IQSEC1: variants seen among roughly 807,000 people sequenced by gnomAD.
IQSEC1 encodes IQ motif and Sec7 domain ArfGEF 1, also known as IQ motif and SEC7 domain-containing protein 1.
IQSEC1 carries 31 observed loss-of-function variants against 91.0 expected under a neutral mutation model. The observed-to-expected ratio is 0.34, with a 90% CI of 0.26 to 0.46. The LOEUF is 0.46. Among genes scored for constraint, IQSEC1 ranks in the 20% least tolerant of loss-of-function variants. The pLI is 1.00. For missense variants in IQSEC1, 1,388 were observed against 1,575.6 expected (o/e 0.88, Z 2.02); for synonymous variants, 699 against 662.6 (o/e 1.05, Z -0.84).
intron 1 of IQSEC1, among the ~76,000 whole-genome samples, chr3:12,944,207 T>C (rs531619874): frequency 6.6e-6 from 1 of 152,296 alleles, no homozygotes; most frequent in East Asian, 1.9e-4. Flanking sequence ...GCCCCTCCCC[T>C]ACAGCCCCCA....
chr3:13,129,762 A>T (rs1384835860), intron 2 of IQSEC1, among the ~76,000 whole-genome samples: 1 of 144,258 alleles, frequency 6.9e-6, no homozygotes, highest in Non-Finnish European at 1.5e-5. Flanking sequence ...GATTCATGCC[A>T]TTCTCCTGCC....
chr3:13,253,799 G>A (rs974381860), intron 1 of IQSEC1, among the ~76,000 whole-genome samples: 1 of 152,160 alleles, frequency 6.6e-6, no homozygotes, highest in Non-Finnish European at 1.5e-5. Flanking sequence ...TTTATCTGAC[G>A]AAGAGGTAAC....
intron 2 of IQSEC1, among the ~76,000 whole-genome samples, chr3:13,139,355 G>C (rs1706762551): frequency 6.6e-6 from 1 of 152,194 alleles, no homozygotes; most frequent in Non-Finnish European, 1.5e-5. Flanking sequence ...ATAAGAGACA[G>C]AAAAAGACTC....
At chr3:12,913,316 C>A in intron 9 of IQSEC1, 112 bp downstream of exon 9, 1 of 1,194,212 alleles carries the variant, frequency 8.4e-7, no homozygotes, top group South Asian at 1.4e-5. Context: ...GGCAAACCCT[C>A]CCTTTTGCAC....
At chr3:13,117,877 G>A (rs368362292) in intron 2 of IQSEC1, among the ~76,000 whole-genome samples, 2 of 152,184 alleles carry the variant, frequency 1.3e-5, no homozygotes, top group Admixed American at 6.5e-5. Flanking sequence ...AGAGTGAGAC[G>A]CTGTCTCAAA....
intron 10 of IQSEC1, 73 bp downstream of exon 10, chr3:12,911,556 C>T (rs1695558752): frequency 8.3e-7 from 1 of 1,210,162 alleles, no homozygotes; most frequent in Non-Finnish European, 1.2e-6. Context: ...CGGTTCTGTC[C>T]TCGAAGCAGC....
chr3:13,232,679 C>G (rs73134193), intron 1 of IQSEC1, among the ~76,000 whole-genome samples: 3,866 of 152,146 alleles, frequency 0.025, 156 homozygotes, highest in African/African-American at 0.087. Context: ...GCTACACAGA[C>G]TTGGAGAATA....
intron 1 of IQSEC1, among the ~76,000 whole-genome samples, chr3:13,173,590 A>C (rs1049982846): frequency 1.3e-5 from 2 of 152,218 alleles, no homozygotes; most frequent in African/African-American, 4.8e-5. Flanking sequence ...TCTGTGGACA[A>C]TCCCAGAGGG....
At position 12,915,032 on chromosome 3, in the gene IQSEC1, G is replaced by A. The variant is rs1388067190; in HGVS notation, c.2190+72C>T. ...TGGGCTCTGGGAGCCTGGGGAGCCG[G>A]CGGACTGGCTGATGCTGGGCCTCCC... is the stretch of plus-strand genomic sequence containing the variant. On this transcript the variant is annotated intron_variant, in intron 8 of 13. Transcript: ENST00000613206. The A allele has an allele frequency of 2.7e-6, 4 of 1,495,858 alleles. No homozygotes were observed. In the African/African-American group the frequency reaches 4.2e-5, roughly 16 times the overall value. The allele number at this position is 1,495,858 out of a possible 1,614,324, so 92.7% of individuals were successfully genotyped here.
At chr3:13,114,963 C>T (rs992371720) in intron 2 of IQSEC1, among the ~76,000 whole-genome samples, 17 of 152,154 alleles carry the variant, frequency 1.1e-4, no homozygotes, top group African/African-American at 3.1e-4. Flanking sequence ...GAGCAGCCTG[C>T]GTGGGTGAGT....
intron 3 of IQSEC1, among the ~76,000 whole-genome samples, chr3:12,931,674 A>G (rs977003743): frequency 6.6e-6 from 1 of 152,146 alleles, no homozygotes; most frequent in East Asian, 1.9e-4. Context: ...GGGGCGCTGG[A>G]AGGGTGAAAC....
intron 1 of IQSEC1, among the ~76,000 whole-genome samples, chr3:13,271,149 G>A (rs60670655): frequency 0.049 from 7,493 of 152,194 alleles, 609 homozygotes; most frequent in African/African-American, 0.17. Flanking sequence ...AGGCTGAGGT[G>A]GGCTGATCAC....
At chr3:13,190,401 A>C (rs1303350492) in intron 1 of IQSEC1, among the ~76,000 whole-genome samples, 1 of 145,026 alleles carries the variant, frequency 6.9e-6, no homozygotes, top group Non-Finnish European at 1.5e-5. Context: ...CCTCATCTCT[A>C]TACAAAATAA....
chr3:12,911,605 G>C (rs1401802150), intron 10 of IQSEC1, 24 bp downstream of exon 10: 12 of 1,557,304 alleles, frequency 7.7e-6, no homozygotes, highest in Non-Finnish European at 1.1e-5. Context: ...CGCTCTTCCA[G>C]GCAGGCCCTG....
chr3:13,197,928 C>A (rs935811075), intron 1 of IQSEC1, among the ~76,000 whole-genome samples: 7 of 152,226 alleles, frequency 4.6e-5, no homozygotes, highest in Admixed American at 1.3e-4. Context: ...CCAGCAGGAG[C>A]GGAGCGTGGT....
chr3:13,071,827 C>G (rs1358739610), intron 1 of IQSEC1, among the ~76,000 whole-genome samples: 3 of 147,452 alleles, frequency 2.0e-5, no homozygotes, highest in African/African-American at 5.1e-5. Context: ...AAACCAGAGG[C>G]CACTGCCATC....
intron 1 of IQSEC1, among the ~76,000 whole-genome samples, chr3:13,278,951 T>C (rs1014338758): frequency 1.3e-5 from 2 of 152,138 alleles, no homozygotes; most frequent in Admixed American, 6.6e-5. Context: ...GAGCCTCAGG[T>C]TCCACATCTA....
chr3:13,047,018 C>T (rs1008647835), intron 1 of IQSEC1, among the ~76,000 whole-genome samples: 26 of 152,182 alleles, frequency 1.7e-4, no homozygotes, highest in African/African-American at 4.6e-4. Context: ...ACAAAGCACA[C>T]GGAAGCAGAG....
At chr3:12,925,101 C>A (rs1036741580) in intron 3 of IQSEC1, among the ~76,000 whole-genome samples, 2 of 152,194 alleles carry the variant, frequency 1.3e-5, no homozygotes, top group African/African-American at 4.8e-5. Context: ...CGTCACTCCC[C>A]TGCCCTGCCT....
Sources: gnomAD v4.1 joint callset for allele counts (sites outside exome capture counted in the v4.1 genomes callset) on GRCh38, gnomAD v4.1.1 for gene constraint, MANE v1.5 for transcripts, NCBI Gene and HGNC (gene_info 2026-07-23, HGNC 2026-07-21) for gene names.